Variants in MAP3K4 observed in about 807,000 individuals in gnomAD.
MAP3K4 encodes the protein MAP three kinase 1.
In MAP3K4, 67 loss-of-function variants were observed where a neutral mutation model predicts 185.6. That is an observed-to-expected ratio of 0.36 (90% CI 0.30 to 0.44). MAP3K4 has a LOEUF of 0.44. Ranked by LOEUF, MAP3K4 falls within the 20% of genes least tolerant of loss-of-function variation. The pLI, the probability that MAP3K4 is intolerant of heterozygous loss-of-function variation, is 1.00. For synonymous variants in MAP3K4, 702 were observed against 710.4 expected, an observed-to-expected ratio of 0.99 and a Z score of 0.19; for missense variants, 1,551 against 1,995.1, an observed-to-expected ratio of 0.78 and a Z score of 4.24.
Position 161,073,280 on chromosome 6 carries a change from G to A in MAP3K4, c.1951-186G>A, listed in dbSNP as rs1268000131. ...ATTCTTTTATTTTCACTGTTTTGTT[G>A]CTTCTCAATTGAGACTACTAAGGTA... On this transcript the variant is annotated intron_variant, in intron 4 of 26. Transcript: ENST00000392142. The surrounding 1 kb of genome is among the most constrained non-coding windows in gnomAD (Gnocchi z 4.2). 10 of 435,182 alleles carry A rather than the reference G, an allele frequency of 2.3e-5. No individual in the cohort carries two copies. The highest frequency in any genetic ancestry group is 3.6e-5 in the Non-Finnish European group (9 of 250,588). The allele number at this position is 435,182 out of a possible 1,614,324, so 27.0% of individuals were successfully genotyped here.
chr6:161,089,697 A>T (rs1462772527), intron 11 of MAP3K4, among the ~76,000 whole-genome samples: 3 of 152,242 alleles, frequency 2.0e-5, no homozygotes, highest in Non-Finnish European at 4.4e-5. Flanking sequence ...ATTGAACTTT[A>T]TGTGACTTAT....
chr6:161,006,521 T>A (rs1341744937), intron 1 of MAP3K4, among the ~76,000 whole-genome samples: 1 of 152,230 alleles, frequency 6.6e-6, no homozygotes, highest in East Asian at 1.9e-4. Flanking sequence ...TATGCAGATA[T>A]CGTCATTTTA....
intron 1 of MAP3K4, chr6:160,992,342 C>T (rs772095058): frequency 3.9e-6 from 2 of 509,236 alleles, no homozygotes; most frequent in Non-Finnish European, 6.8e-6. Context: ...CTTGTAGACT[C>T]CCCCAGCTCA....
rs529463042 is a variant in MAP3K4 at position 161,057,579 on chromosome 6, C to T, written c.1707+7600C>T. On this transcript the variant is annotated intron_variant, in intron 3 of 26. Transcript: ENST00000392142. ...AGTCAGAATCTCCCAGTGGGGGACA[C>T]GAGCACTGACATTGTAAACAAACCT... Among the ~76,000 whole-genome samples the T allele has an allele frequency of 5.3e-5, 8 of 152,260 alleles. No individual in the cohort carries two copies. The East Asian group carries it at 1.2e-3, about 22-fold the overall frequency.
intron 1 of MAP3K4, among the ~76,000 whole-genome samples, chr6:160,998,297 G>A (rs963734005): frequency 5.3e-5 from 8 of 152,090 alleles, no homozygotes; most frequent in Admixed American, 2.0e-4. Flanking sequence ...CAGTGTGATC[G>A]CATTTTAAAA....
At chr6:161,042,636 G>A (rs1042253274) in intron 2 of MAP3K4, among the ~76,000 whole-genome samples, 1 of 152,136 alleles carries the variant, frequency 6.6e-6, no homozygotes, top group African/African-American at 2.4e-5. Flanking sequence ...CTTAAGGTTG[G>A]TTTAAGAGAC....
chr6:160,994,681 G>A (rs554303254), intron 1 of MAP3K4, among the ~76,000 whole-genome samples: 1 of 152,180 alleles, frequency 6.6e-6, no homozygotes, highest in East Asian at 1.9e-4. Flanking sequence ...TCAAATGGTA[G>A]TTCTACTTTT....
At chr6:161,003,917 G>A (rs1781450629) in intron 1 of MAP3K4, among the ~76,000 whole-genome samples, 1 of 114,066 alleles carries the variant, frequency 8.8e-6, no homozygotes, top group African/African-American at 2.9e-5. Flanking sequence ...TAAATTAGAT[G>A]GAATATCCAC....
Position 161,044,286 on chromosome 6 carries a change from A to G in MAP3K4, c.344-4330A>G, listed in dbSNP as rs77258065. ...TAGAACTTGCCAAATAAAACATTCT[A>G]TATAGCTAACTCCTGTACTTTTTAT... On this transcript the variant is annotated intron_variant, in intron 2 of 26. Coordinates refer to ENST00000392142, the MANE Select transcript of MAP3K4 (RefSeq NM_005922.4). Among the ~76,000 whole-genome samples, 43 of 152,328 alleles carry G rather than the reference A, an allele frequency of 2.8e-4. No individual in the cohort carries two copies. The South Asian group carries it at 4.8e-3, about 17-fold the overall frequency.
At position 161,008,565 on chromosome 6, in the gene MAP3K4, A is replaced by G. The variant is rs974728405; in HGVS notation, c.152+16482A>G. ...TGTAGGACCTTGTAGTTTCCCCTCTACTTTGTGTTTAAATTTTTGTATGAT... is the reference window on the plus strand; with the variant it reads ...TGTAGGACCTTGTAGTTTCCCCTCTGCTTTGTGTTTAAATTTTTGTATGAT... On this transcript the variant is annotated intron_variant, in intron 1 of 26. Transcript: ENST00000392142. The surrounding 1 kb of genome is among the most constrained non-coding windows in gnomAD (Gnocchi z 4.1). Among the ~76,000 whole-genome samples the G allele has an allele frequency of 2.0e-5, 3 of 152,108 alleles. No homozygotes were observed. Among genetic ancestry groups the G allele is most frequent in the African/African-American group, 7.2e-5 (3 of 41,426 alleles).
Position 161,097,481 on chromosome 6 carries a change from C to T in MAP3K4, c.3524+305C>T, listed in dbSNP as rs1046776085. 5.9e-5 allele frequency among the ~76,000 whole-genome samples: 9 copies of T among 152,100 alleles called. No homozygotes were observed. Among genetic ancestry groups the T allele is most frequent in the Non-Finnish European group, 1.0e-4 (7 of 68,024 alleles). On this transcript the variant is annotated intron_variant, in intron 16 of 26. Transcript: ENST00000392142. The surrounding 1 kb of genome is among the most constrained non-coding windows in gnomAD (Gnocchi z 4.9). Reference sequence around the variant, plus strand: ...TTTCCTGCCTTTGAAAAATAACCTTCAGAAAACAAATTTGAATATGGATAG... The same window carrying T: ...TTTCCTGCCTTTGAAAAATAACCTTTAGAAAACAAATTTGAATATGGATAG...
intron 3 of MAP3K4, among the ~76,000 whole-genome samples, chr6:161,069,156 TGA>T (rs1471603339): frequency 6.6e-6 from 1 of 152,224 alleles, no homozygotes; most frequent in Admixed American, 6.5e-5. Context: ...AAATCAACCC[TGA>T]GAGACTACTC....
Position 161,088,197 on chromosome 6 carries a change from CTTAG to C in MAP3K4, c.2823+246_2823+249del, listed in dbSNP as rs1332086070. 6.6e-6 allele frequency among the ~76,000 whole-genome samples: 1 copy of C among 152,044 alleles called. No homozygotes were observed. Among genetic ancestry groups the C allele is most frequent in the Non-Finnish European group, 1.5e-5 (1 of 68,004 alleles). ...ACCATCTATCTGGTTTATATCTTTT[CTTAG>C]TTCAGTCATGTAGTTAGATCTGTGG... On this transcript the variant is annotated intron_variant, in intron 10 of 26. Transcript: ENST00000392142. The surrounding 1 kb of genome is among the most constrained non-coding windows in gnomAD (Gnocchi z 4.5).
Position 161,098,496 on chromosome 6 carries a change from G to A in MAP3K4, c.3674+69G>A. ...CATGCGCTTACACAGCAACCATAGT[G>A]TTAGGGTGTGTGCCGGCTGTGGTTG... On this transcript the variant is annotated intron_variant, in intron 17 of 26. Transcript: ENST00000392142. This position sits in a 1 kb window ranked among gnomAD's most constrained non-coding sequence, Gnocchi z 4.4. The A allele has an allele frequency of 6.6e-7, 1 of 1,517,232 alleles. No homozygotes were observed. Among genetic ancestry groups the A allele is most frequent in the Non-Finnish European group, 8.9e-7 (1 of 1,125,766 alleles). 94.0% of individuals were successfully genotyped at this position (1,517,232 alleles called of 1,614,324 possible). A position where few individuals can be genotyped will look rare whatever the true frequency, so the allele number is the denominator to read the frequency against.
At position 161,070,517 on chromosome 6, in the gene MAP3K4, C is replaced by T; in HGVS notation, c.1708-91C>T. The T allele has an allele frequency of 1.0e-6, 1 of 975,598 alleles. No homozygotes were observed. The allele number at this position is 975,598 out of a possible 1,614,324, so 60.4% of individuals were successfully genotyped here. On this transcript the variant is annotated intron_variant, in intron 3 of 26. Transcript: ENST00000392142. This position sits in a 1 kb window ranked among gnomAD's most constrained non-coding sequence, Gnocchi z 4.5. ...ATTAGAATTTTTGTAGATTTGTTAG[C>T]ACATTGTAGAGAATAAGAGTTTATA...
In MAP3K4 at chr6:161,048,529, G is replaced by T; in HGVS notation, c.344-87G>T. ...ATTAGCAGTCTGAAAATATAAATATGTGTGAATACCAGTTTTATTGAAAAT... is the reference window on the plus strand; with the variant it reads ...ATTAGCAGTCTGAAAATATAAATATTTGTGAATACCAGTTTTATTGAAAAT... On this transcript the variant is annotated intron_variant, in intron 2 of 26. Coordinates refer to ENST00000392142, the MANE Select transcript of MAP3K4 (RefSeq NM_005922.4). The surrounding 1 kb of genome is among the most constrained non-coding windows in gnomAD (Gnocchi z 4.7). The T allele has an allele frequency of 2.4e-6, 2 of 833,516 alleles. No homozygotes were observed. The highest frequency in any genetic ancestry group is 2.0e-5 in the South Asian group (1 of 50,722). 51.6% of individuals were successfully genotyped at this position (833,516 alleles called of 1,614,324 possible).
chr6:161,023,721 G>C (rs756372313), intron 1 of MAP3K4, among the ~76,000 whole-genome samples: 2 of 152,222 alleles, frequency 1.3e-5, no homozygotes, highest in Admixed American at 1.3e-4. Context: ...AGTTTTGGCA[G>C]TCACTGTTTT....
At position 161,110,002 on chromosome 6, in the gene MAP3K4, C is replaced by A; in HGVS notation, c.4396+88C>A. The A allele has an allele frequency of 7.3e-7, 1 of 1,367,134 alleles. No individual in the cohort carries two copies. Among genetic ancestry groups the A allele is most frequent in the Non-Finnish European group, 1.0e-6 (1 of 973,946 alleles). The allele number at this position is 1,367,134 out of a possible 1,614,324, so 84.7% of individuals were successfully genotyped here. On this transcript the variant is annotated intron_variant, in intron 23 of 26. Transcript: ENST00000392142. The surrounding 1 kb of genome is among the most constrained non-coding windows in gnomAD (Gnocchi z 4.8). The stretch of plus-strand genomic sequence containing the variant: ...GCTCTGAAGACGCTCATCCCATTCC[C>A]ACATATGATTTCTCTAGATGGAAAT...
Position 161,097,230 on chromosome 6 carries a change from G to A in MAP3K4, c.3524+54G>A. Reference sequence around the variant, plus strand: ...TTACAGAGTGCCCTCCGATATGCATGCTCATACTTTTGAAACTACTAGATG... The same window carrying A: ...TTACAGAGTGCCCTCCGATATGCATACTCATACTTTTGAAACTACTAGATG... On this transcript the variant is annotated intron_variant, in intron 16 of 26. Transcript: ENST00000392142. This position sits in a 1 kb window ranked among gnomAD's most constrained non-coding sequence, Gnocchi z 4.9. 6.8e-7 allele frequency: 1 copy of A among 1,462,298 alleles called. No individual in the cohort carries two copies. The highest frequency in any genetic ancestry group is 1.1e-5 in the South Asian group (1 of 87,492). 90.6% of individuals were successfully genotyped at this position (1,462,298 alleles called of 1,614,324 possible). A position where few individuals can be genotyped will look rare whatever the true frequency, so the allele number is the denominator to read the frequency against.
Sources: allele counts gnomAD v4.1 joint callset (sites outside exome capture counted in the v4.1 genomes callset), GRCh38; gene constraint gnomAD v4.1.1; non-coding constraint Gnocchi (gnomAD v3.1); transcripts MANE v1.5; gene names NCBI Gene and HGNC (gene_info 2026-07-23, HGNC 2026-07-21).